The following METTL8 variants were observed in gnomAD, a reference collection of about 807,000 sequenced individuals.
METTL8 encodes methyltransferase 8, tRNA N3-cytidine, also known as tRNA N(3)-cytidine methyltransferase METTL8, mitochondrial.
A neutral mutation model predicts 48.7 loss-of-function variants in METTL8; 32 were observed. The observed-to-expected ratio is 0.66, with a 90% CI of 0.50 to 0.88. The LOEUF is 0.88. Among genes scored for constraint, METTL8 ranks in the 40% least tolerant of loss-of-function variants. METTL8 has a pLI of 0.00. For synonymous variants in METTL8, 136 were observed against 157.1 expected, an observed-to-expected ratio of 0.87 and a Z score of 1.01; for missense variants, 464 against 474.4, an observed-to-expected ratio of 0.98 and a Z score of 0.20.
intron 3 of METTL8, among the ~76,000 whole-genome samples, chr2:171,343,439 C>CAATA (rs574312068): frequency 1.9e-4 from 29 of 148,870 alleles, no homozygotes; most frequent in East Asian, 4.1e-4. Context: ...AACTCCATCT[C>CAATA]AATAAATAAA....
intron 1 of METTL8, among the ~76,000 whole-genome samples, chr2:171,430,464 A>G (rs1399720231): frequency 6.6e-6 from 1 of 152,210 alleles, no homozygotes. Flanking sequence ...GCAGCAAATC[A>G]CGATGGCACA....
chr2:171,383,678 G>A (rs2105538171), intron 2 of METTL8, among the ~76,000 whole-genome samples: 1 of 152,280 alleles, frequency 6.6e-6, no homozygotes, highest in South Asian at 2.1e-4. Context: ...CTTAAACCAA[G>A]AACATTGTGA....
chr2:171,327,769 A>C (rs1166347335), intron 7 of METTL8, among the ~76,000 whole-genome samples: 3 of 152,224 alleles, frequency 2.0e-5, no homozygotes, highest in Non-Finnish European at 4.4e-5. Context: ...TGTTTATTTT[A>C]TTACAGGTTA....
intron 3 of METTL8, among the ~76,000 whole-genome samples, chr2:171,345,271 C>T (rs1055954935): frequency 1.3e-5 from 2 of 152,290 alleles, no homozygotes; most frequent in East Asian, 1.9e-4. Flanking sequence ...TTCTGAATCA[C>T]ACTCAACATC....
chr2:171,364,591 G>A (rs899887771), intron 2 of METTL8, among the ~76,000 whole-genome samples: 1 of 152,106 alleles, frequency 6.6e-6, no homozygotes, highest in East Asian at 1.9e-4. Flanking sequence ...TAGTACAATT[G>A]AATAATGTTT....
At chr2:171,324,597 A>G (rs1684739268) in intron 9 of METTL8, among the ~76,000 whole-genome samples, 1 of 152,220 alleles carries the variant, frequency 6.6e-6, no homozygotes, top group African/African-American at 2.4e-5. Context: ...AGACATCAAC[A>G]GATATATAAA....
At position 171,324,072 on chromosome 2, in the gene METTL8, T is replaced by C; in HGVS notation, c.*100A>G. The C allele has an allele frequency of 1.0e-6, 1 of 982,076 alleles. No homozygotes were observed. Among genetic ancestry groups the C allele is most frequent in the Non-Finnish European group, 1.5e-6 (1 of 682,070 alleles). 60.8% of individuals were successfully genotyped at this position (982,076 alleles called of 1,614,324 possible). A position where few individuals can be genotyped will look rare whatever the true frequency, so the allele number is the denominator to read the frequency against. ...TGACAAAACGGCAGGAAATACAAAT[T>C]CTCTTCTTTTTTTCTCATTGTCTTT... On this transcript the variant is annotated 3_prime_UTR_variant, in exon 10 of 10. Transcript: ENST00000375258.
chr2:171,326,054 G>A lies in METTL8; in HGVS notation c.955C>T (p.Arg319Cys), dbSNP rs1007225042. 1.8e-5 allele frequency: 28 copies of A among 1,535,860 alleles called. No individual in the cohort carries two copies. The African/African-American group carries it at 2.1e-4, about 11-fold the overall frequency. The change falls in exon 8 of 10, where the codon CGT becomes TGT. Residue 319 changes from arginine to cysteine, a missense_variant. By Grantham distance (180) the Arg-to-Cys change is radical (BLOSUM62 -3). Transcript: ENST00000375258. ...AATATACTATTACCCTTTTTAAAAC[G>A]AAGCTGAGTCTTATCATATCTTCCA... Reference protein sequence around the residue: ...DYGRYDKTQLRFKKGHCLSEN... With the variant: ...DYGRYDKTQLCFKKGHCLSEN...
At chr2:171,420,345 G>A (rs1390278148) in intron 1 of METTL8, among the ~76,000 whole-genome samples, 1 of 152,142 alleles carries the variant, frequency 6.6e-6, no homozygotes, top group Admixed American at 6.6e-5. Flanking sequence ...AGTAGAGAGT[G>A]GCATGGTTAT....
chr2:171,411,834 AATGT>A (rs1163971204), intron 1 of METTL8, among the ~76,000 whole-genome samples: 17 of 152,254 alleles, frequency 1.1e-4, no homozygotes, highest in African/African-American at 4.1e-4. Context: ...CTTACATTTA[AATGT>A]ATGGGAAAAT....
At chr2:171,421,571 T>C (rs1177555893) in intron 1 of METTL8, among the ~76,000 whole-genome samples, 2 of 151,712 alleles carry the variant, frequency 1.3e-5, no homozygotes, top group Non-Finnish European at 2.9e-5. Flanking sequence ...AAAGAAAAAA[T>C]TATAAAACTT....
intron 1 of METTL8, among the ~76,000 whole-genome samples, chr2:171,414,227 G>C (rs1691047546): frequency 6.6e-6 from 1 of 152,080 alleles, no homozygotes; most frequent in Non-Finnish European, 1.5e-5. Flanking sequence ...AGACCAGCCT[G>C]ACCAACGTGG....
Position 171,392,051 on chromosome 2 carries a change from G to T in METTL8, c.135C>A (p.His45Gln). The change falls in exon 2 of 10, where the codon CAC becomes CAA. Residue 45 changes from histidine (H) to glutamine (Q), a missense_variant. Transcript: ENST00000375258. ...ILTDPAKVFEHNMWDHMQWSK... is the reference protein window; with the variant it reads ...ILTDPAKVFEQNMWDHMQWSK... The stretch of plus-strand genomic sequence containing the variant: ...TTAAAAAGAAAACTCACCACATGTT[G>T]TGTTCAAAAACTTTGGCTGGGTCAG... 1 of 1,551,124 alleles carries T rather than the reference G, an allele frequency of 6.4e-7. No homozygotes were observed. The highest frequency in any genetic ancestry group is 8.7e-7 in the Non-Finnish European group (1 of 1,146,814).
In METTL8 at chr2:171,360,514, CT is replaced by C; in HGVS notation, c.144-2del. The C allele has an allele frequency of 1.2e-6, 2 of 1,607,124 alleles. No homozygotes were observed. The highest frequency in any genetic ancestry group is 1.7e-6 in the Non-Finnish European group (2 of 1,178,156). The stretch of plus-strand genomic sequence containing the variant: ...TTCCTTAGACCACTGCATGTGATCC[CT>C]ATTAAAAAAAAATAGACTGTAAAAT... On this transcript the variant is annotated splice_acceptor_variant, in intron 2 of 9. Transcript: ENST00000375258. LOFTEE classifies it high-confidence loss of function.
chr2:171,416,851 C>G (rs926513083), intron 1 of METTL8, among the ~76,000 whole-genome samples: 1 of 152,186 alleles, frequency 6.6e-6, no homozygotes, highest in Non-Finnish European at 1.5e-5. Context: ...CTACTTAGTA[C>G]GCTATTCCAT....
At chr2:171,336,589 G>C (rs924945958) in intron 5 of METTL8, among the ~76,000 whole-genome samples, 7 of 151,936 alleles carry the variant, frequency 4.6e-5, no homozygotes, top group Non-Finnish European at 1.0e-4. Context: ...TTTTAGTAGA[G>C]ACGAGGTTTC....
At chr2:171,428,601 G>A (rs1009006160) in intron 1 of METTL8, among the ~76,000 whole-genome samples, 1 of 152,112 alleles carries the variant, frequency 6.6e-6, no homozygotes, top group Non-Finnish European at 1.5e-5. Flanking sequence ...CACATTTTAG[G>A]TAGTGTAAAG....
At chr2:171,363,508 G>A (rs543477424) in intron 2 of METTL8, among the ~76,000 whole-genome samples, 2 of 151,964 alleles carry the variant, frequency 1.3e-5, no homozygotes, top group African/African-American at 4.8e-5. Flanking sequence ...GTGGTTTATA[G>A]AGTTTGGCCA....
chr2:171,370,207 A>T (rs1347494121), intron 2 of METTL8, among the ~76,000 whole-genome samples: 1 of 152,192 alleles, frequency 6.6e-6, no homozygotes, highest in African/African-American at 2.4e-5. Flanking sequence ...ACTAGGTGTT[A>T]TCTTAAGTTT....
Sources: allele counts gnomAD v4.1 joint callset (sites outside exome capture counted in the v4.1 genomes callset), GRCh38; gene constraint gnomAD v4.1.1; transcripts MANE v1.5; gene names NCBI Gene and HGNC (gene_info 2026-07-23, HGNC 2026-07-21).